Variants in FRAS1 observed in about 807,000 individuals in gnomAD.
The protein encoded by FRAS1 is Fraser extracellular matrix complex subunit 1, also known as extracellular matrix organizing protein FRAS1.
In FRAS1, 290 loss-of-function variants were observed where a neutral mutation model predicts 435.2. The observed-to-expected ratio is 0.67, with a 90% CI of 0.61 to 0.73. The LOEUF (loss-of-function observed/expected upper bound fraction) is 0.73, where lower values mean the gene tolerates loss of function less well. Among genes scored for constraint, FRAS1 ranks in the 30% least tolerant of loss-of-function variants. FRAS1 has a pLI of 0.00. For missense variants in FRAS1, 4,860 were observed against 5,001.5 expected (o/e 0.97, Z 0.85); for synonymous variants, 1,800 against 1,851.0 (o/e 0.97, Z 0.71).
At chr4:78,540,444 G>T in intron 73 of FRAS1, 87 bp from the exon 74 acceptor site, 1 of 760,102 alleles carries the variant, frequency 1.3e-6, no homozygotes, top group Non-Finnish European at 2.0e-6. Flanking sequence ...TATCTATCAA[G>T]GCATATAGTG....
chr4:78,140,576 T>C (rs568522762), intron 2 of FRAS1, among the ~76,000 whole-genome samples: 1 of 151,576 alleles, frequency 6.6e-6, no homozygotes, highest in African/African-American at 2.4e-5. Context: ...CCAACCCAAG[T>C]GCCCATCAAT....
rs775427682 is a variant in FRAS1 at position 78,445,708 on chromosome 4, T to C, written c.5852T>C (p.Ile1951Thr). 3 of 1,613,838 alleles carry C rather than the reference T, an allele frequency of 1.9e-6. No homozygotes were observed. The highest frequency in any genetic ancestry group is 4.5e-5 in the East Asian group (2 of 44,864). The part of the protein sequence containing the change: ...RSEIHSINIT[I>T]ERKNDEPPRM... ...GAAATTCACAGCATCAATATCACCA[T>C]TGAGGTAAAGACTTTGGAAGTTGGA... Residue 1951 changes from isoleucine (I) to threonine (T), a missense_variant, in exon 42 of 74, where the codon ATT (isoleucine) becomes ACT (threonine). Transcript: ENST00000512123.
intron 2 of FRAS1, among the ~76,000 whole-genome samples, chr4:78,114,409 A>G (rs1314227819): frequency 1.3e-5 from 2 of 152,160 alleles, no homozygotes; most frequent in African/African-American, 4.8e-5. Flanking sequence ...GAATCTATAA[A>G]TTACCTTGGG....
Position 78,337,573 on chromosome 4 carries a change from T to G in FRAS1, c.2279-101T>G, listed in dbSNP as rs1730218683. The G allele has an allele frequency of 1.3e-5, 17 of 1,338,002 alleles. No individual in the cohort carries two copies. In the Middle Eastern group the frequency reaches 6.2e-4, roughly 49 times the overall value. 82.9% of individuals were successfully genotyped at this position (1,338,002 alleles called of 1,614,324 possible). ...GGAATCTTCTAAAGATGATTAGAGT[T>G]GGAGGTCTGCTTTTAATGTAATTTG... On this transcript the variant is annotated intron_variant, in intron 19 of 73. Coordinates refer to ENST00000512123, the MANE Select transcript of FRAS1 (RefSeq NM_025074.7).
At chr4:78,130,796 G>A (rs1719645289) in intron 2 of FRAS1, among the ~76,000 whole-genome samples, 1 of 152,150 alleles carries the variant, frequency 6.6e-6, no homozygotes, top group Admixed American at 6.5e-5. Context: ...CAGTCCCAAA[G>A]ATAAAAACAA....
chr4:78,057,873 C>T lies in FRAS1; in HGVS notation c.-137C>T, dbSNP rs1739543149. The T allele has an allele frequency of 2.8e-6, 2 of 725,584 alleles. No homozygotes were observed. The highest frequency in any genetic ancestry group is 5.2e-5 in the East Asian group (2 of 38,686). The allele number at this position is 725,584 out of a possible 1,614,324, so 44.9% of individuals were successfully genotyped here. A position where few individuals can be genotyped will look rare whatever the true frequency, so the allele number is the denominator to read the frequency against. ...AGTGTCGCTCTCCGCCCGTCCATCTCTTTTTCCCGGAGGTAAAGGCCCGCG... is the reference window on the plus strand; with the variant it reads ...AGTGTCGCTCTCCGCCCGTCCATCTTTTTTTCCCGGAGGTAAAGGCCCGCG... On this transcript the variant is annotated 5_prime_UTR_variant, in exon 1 of 74. Coordinates refer to ENST00000512123, the MANE Select transcript of FRAS1 (RefSeq NM_025074.7). This position sits in a 1 kb window ranked among gnomAD's most constrained non-coding sequence, Gnocchi z 4.2.
At chr4:78,186,402 CTATT>C (rs1178084449) in intron 2 of FRAS1, among the ~76,000 whole-genome samples, 1 of 152,132 alleles carries the variant, frequency 6.6e-6, no homozygotes, top group Admixed American at 6.5e-5. Context: ...CTGAAGTACT[CTATT>C]TATCATAAAG....
At chr4:78,104,885 G>T (rs1376511694) in intron 2 of FRAS1, among the ~76,000 whole-genome samples, 1 of 152,142 alleles carries the variant, frequency 6.6e-6, no homozygotes, top group African/African-American at 2.4e-5. Flanking sequence ...GTTTTATATT[G>T]TTATGATAGT....
intron 2 of FRAS1, among the ~76,000 whole-genome samples, chr4:78,178,780 C>A (rs1031172522): frequency 2.0e-5 from 3 of 152,084 alleles, no homozygotes; most frequent in African/African-American, 7.2e-5. Context: ...AATGAGGGCA[C>A]ATTTTGAGGT....
Position 78,478,011 on chromosome 4 carries a change from A to G in FRAS1, c.8048A>G (p.Tyr2683Cys). Residue 2683 changes from tyrosine (Y) to cysteine (C), a missense_variant, in exon 55 of 74, where the codon TAC (tyrosine) becomes TGC (cysteine). Coordinates refer to ENST00000512123, the MANE Select transcript of FRAS1 (RefSeq NM_025074.7). ...ACATTAGAGTTTGACAAGAAGATCT[A>G]CTGGGTTAACGAGAGCGCTGGTTTT... ...EPTLEFDKKI[Y>C]WVNESAGFLF... The G allele has an allele frequency of 1.9e-6, 3 of 1,604,042 alleles. No homozygotes were observed. Among genetic ancestry groups the G allele is most frequent in the Non-Finnish European group, 2.6e-6 (3 of 1,175,110 alleles).
chr4:78,478,400 G>A (rs1719916374), intron 55 of FRAS1, among the ~76,000 whole-genome samples: 1 of 152,180 alleles, frequency 6.6e-6, no homozygotes, highest in South Asian at 2.1e-4. Flanking sequence ...GTCAAGGAGG[G>A]AAGTTACAGT....
At chr4:78,257,507 C>CT (rs1330929206) in intron 6 of FRAS1, among the ~76,000 whole-genome samples, 1 of 152,144 alleles carries the variant, frequency 6.6e-6, no homozygotes, top group Non-Finnish European at 1.5e-5. Flanking sequence ...AATTTGCAAC[C>CT]TGTCTTCAAG....
intron 3 of FRAS1, among the ~76,000 whole-genome samples, chr4:78,242,469 T>C (rs929854708): frequency 6.6e-6 from 1 of 152,252 alleles, no homozygotes; most frequent in Non-Finnish European, 1.5e-5. Context: ...AGAGTTTCAC[T>C]CTGCTGTCCA....
rs115211267 is a variant in FRAS1, at chr4:78,216,926, G to A, written c.109-20584G>A. ...AGAAGACCAATATGACTAAGGACAC[G>A]TAGGGGATAAGACTGGAGCAAAGTC... is the stretch of plus-strand genomic sequence containing the variant. On this transcript the variant is annotated intron_variant, in intron 2 of 73. Transcript: ENST00000512123. Among the ~76,000 whole-genome samples the A allele has an allele frequency of 2.9e-3, 449 of 152,246 alleles. 4 individuals are homozygous for A. The highest frequency in any genetic ancestry group is 0.01 in the African/African-American group (416 of 41,548).
intron 29 of FRAS1, among the ~76,000 whole-genome samples, chr4:78,397,022 G>A (rs1732700404): frequency 6.6e-6 from 1 of 152,108 alleles, no homozygotes; most frequent in African/African-American, 2.4e-5. Context: ...TATTTGTCAG[G>A]CAGTTCACAA....
At chr4:78,314,597 A>G (rs1729160148) in intron 15 of FRAS1, among the ~76,000 whole-genome samples, 1 of 152,106 alleles carries the variant, frequency 6.6e-6, no homozygotes, top group Admixed American at 6.6e-5. Flanking sequence ...GTTCAATCTC[A>G]TTGCCTTTCC....
At chr4:78,364,973 G>A (rs1258461287) in intron 22 of FRAS1, among the ~76,000 whole-genome samples, 2 of 152,054 alleles carry the variant, frequency 1.3e-5, no homozygotes, top group South Asian at 2.1e-4. Context: ...TTAACCACTA[G>A]GCCTCAGTTT....
intron 59 of FRAS1, among the ~76,000 whole-genome samples, chr4:78,493,409 G>A (rs1720422039): frequency 6.6e-6 from 1 of 152,166 alleles, no homozygotes; most frequent in Non-Finnish European, 1.5e-5. Context: ...CAACCCAAAT[G>A]CCCATCAATG....
Position 78,482,595 on chromosome 4 carries a change from T to A in FRAS1, c.8752+60T>A, listed in dbSNP as rs1332709958. ...ATATATTTCTATTTTTTCTTTAACG[T>A]CCACATATGTGACATTGGAACTCAT... On this transcript the variant is annotated intron_variant, in intron 58 of 73. Coordinates refer to ENST00000512123, the MANE Select transcript of FRAS1 (RefSeq NM_025074.7). 2.0e-6 allele frequency: 3 copies of A among 1,523,746 alleles called. No individual in the cohort carries two copies. The African/African-American group carries it at 4.2e-5, about 21-fold the overall frequency. The allele number at this position is 1,523,746 out of a possible 1,614,324, so 94.4% of individuals were successfully genotyped here.
Sources: allele counts gnomAD v4.1 joint callset (sites outside exome capture counted in the v4.1 genomes callset), GRCh38; gene constraint gnomAD v4.1.1; non-coding constraint Gnocchi (gnomAD v3.1); transcripts MANE v1.5; gene names NCBI Gene and HGNC (gene_info 2026-07-23, HGNC 2026-07-21).